The following MAGI2 variants were observed in gnomAD, a reference collection of about 807,000 sequenced individuals.
MAGI2 encodes membrane associated guanylate kinase, WW and PDZ domain containing 2, also known as membrane-associated guanylate kinase, WW and PDZ domain-containing protein 2.
In MAGI2, 35 loss-of-function variants were observed where a neutral mutation model predicts 133.3. That is an observed-to-expected ratio of 0.26 (90% CI 0.20 to 0.35). The LOEUF is 0.35. Among genes scored for constraint, MAGI2 ranks in the 10% least tolerant of loss-of-function variants. MAGI2 has a pLI of 1.00. For missense variants in MAGI2, 1,636 were observed against 1,863.4 expected (o/e 0.88, Z 2.25); for synonymous variants, 729 against 710.6 (o/e 1.03, Z -0.41).
intron 2 of MAGI2, among the ~76,000 whole-genome samples, chr7:78,882,086 C>CAAAAAAAAAAAAAAAAAAAAAAA (rs771918590): frequency 3.2e-4 from 4 of 12,466 alleles, no homozygotes; most frequent in Non-Finnish European, 4.1e-4. Context: ...ACAACAACAA[C>CAAAAAAAAAAAAAAAAAAAAAAA]AAAAAAAAAA....
chr7:78,365,811 A>C (rs1322152936), intron 7 of MAGI2, among the ~76,000 whole-genome samples: 1 of 152,190 alleles, frequency 6.6e-6, no homozygotes, highest in Non-Finnish European at 1.5e-5. Flanking sequence ...TAGCTGTTTA[A>C]ATTCTCTTCT....
chr7:78,623,582 T>G (rs1394459062), intron 3 of MAGI2, among the ~76,000 whole-genome samples: 1 of 152,110 alleles, frequency 6.6e-6, no homozygotes, highest in African/African-American at 2.4e-5. Context: ...ATAAAACTGT[T>G]TCCTTTTCCT....
At chr7:78,174,311 CAGAG>C (rs1441330853) in intron 14 of MAGI2, among the ~76,000 whole-genome samples, 1 of 152,280 alleles carries the variant, frequency 6.6e-6, no homozygotes, top group East Asian at 1.9e-4. Context: ...CCGGAACAAA[CAGAG>C]AGCTCATCTT....
chr7:78,706,466 A>G (rs915868122), intron 2 of MAGI2, among the ~76,000 whole-genome samples: 1 of 152,134 alleles, frequency 6.6e-6, no homozygotes, highest in Admixed American at 6.6e-5. Context: ...CAGCAGTGTG[A>G]AAACAGACTA....
chr7:79,257,742 T>A (rs1833793206), intron 1 of MAGI2, among the ~76,000 whole-genome samples: 1 of 152,188 alleles, frequency 6.6e-6, no homozygotes, highest in African/African-American at 2.4e-5. Flanking sequence ...GATCAGTACA[T>A]AAAATAATGA....
At chr7:79,292,539 A>AACAGAATCAC (rs1554434895) in intron 1 of MAGI2, among the ~76,000 whole-genome samples, 1 of 151,812 alleles carries the variant, frequency 6.6e-6, no homozygotes, top group Non-Finnish European at 1.5e-5. Context: ...GGCTAAGGCA[A>AACAGAATCAC]ACAGAATCAC....
At chr7:79,155,610 A>T (rs2129547303) in intron 1 of MAGI2, among the ~76,000 whole-genome samples, 1 of 152,244 alleles carries the variant, frequency 6.6e-6, no homozygotes, top group African/African-American at 2.4e-5. Context: ...CAAAGGTGAG[A>T]TCTAAGAAAA....
chr7:78,572,123 C>T (rs751910098), intron 3 of MAGI2, among the ~76,000 whole-genome samples: 1 of 152,026 alleles, frequency 6.6e-6, no homozygotes, highest in Non-Finnish European at 1.5e-5. Context: ...AGCAAATCAT[C>T]GATGGGGAAA....
intron 2 of MAGI2, among the ~76,000 whole-genome samples, chr7:78,726,434 A>T (rs10953681): frequency 0.068 from 10,375 of 152,250 alleles, 428 homozygotes; most frequent in African/African-American, 0.092. Context: ...TAACTTCATA[A>T]ATCTTTCCTA....
At chr7:78,635,554 A>G (rs1185134526) in intron 2 of MAGI2, among the ~76,000 whole-genome samples, 1 of 152,256 alleles carries the variant, frequency 6.6e-6, no homozygotes, top group Non-Finnish European at 1.5e-5. Context: ...CATTAAGTCA[A>G]TGTATTCTAA....
chr7:78,492,389 T>A (rs1056471668), intron 5 of MAGI2, among the ~76,000 whole-genome samples: 1 of 152,100 alleles, frequency 6.6e-6, no homozygotes. Flanking sequence ...CCAGTAATTG[T>A]CTTAAACATC....
At chr7:79,024,363 C>G (rs1268910910) in intron 1 of MAGI2, among the ~76,000 whole-genome samples, 1 of 152,024 alleles carries the variant, frequency 6.6e-6, no homozygotes, top group African/African-American at 2.4e-5. Flanking sequence ...AGTCTAAAAT[C>G]AAAAACTATA....
chr7:78,547,610 A>C (rs1000518734), intron 3 of MAGI2, among the ~76,000 whole-genome samples: 1 of 152,244 alleles, frequency 6.6e-6, no homozygotes. Flanking sequence ...GGTGTAAAGG[A>C]GGAACCACCT....
intron 1 of MAGI2, among the ~76,000 whole-genome samples, chr7:79,146,680 C>T (rs1562939222): frequency 2.0e-5 from 3 of 152,214 alleles, no homozygotes; most frequent in Non-Finnish European, 2.9e-5. Flanking sequence ...TCATGTAAGA[C>T]GTGACTTTGC....
chr7:79,194,211 T>C (rs1467490809), intron 1 of MAGI2, among the ~76,000 whole-genome samples: 1 of 152,012 alleles, frequency 6.6e-6, no homozygotes, highest in Non-Finnish European at 1.5e-5. Flanking sequence ...CGAAGATTTA[T>C]AAGAAAAGCT....
intron 1 of MAGI2, among the ~76,000 whole-genome samples, chr7:79,093,893 T>C (rs1304989340): frequency 6.6e-6 from 1 of 151,938 alleles, no homozygotes; most frequent in African/African-American, 2.4e-5. Context: ...TTTTGTATTT[T>C]TAGTAGAGAC....
intron 1 of MAGI2, among the ~76,000 whole-genome samples, chr7:79,396,478 T>A (rs980271733): frequency 6.6e-6 from 1 of 152,190 alleles, no homozygotes; most frequent in Admixed American, 6.5e-5. Flanking sequence ...TACTTTTTTC[T>A]TGAGTTCACT....
intron 1 of MAGI2, among the ~76,000 whole-genome samples, chr7:79,124,088 A>G (rs935183575): frequency 2.6e-5 from 4 of 152,190 alleles, no homozygotes; most frequent in Non-Finnish European, 5.9e-5. Context: ...CATTTGTTAC[A>G]ATGAAATATT....
intron 1 of MAGI2, among the ~76,000 whole-genome samples, chr7:79,280,741 C>T (rs551196228): frequency 5.3e-5 from 8 of 151,536 alleles, no homozygotes; most frequent in East Asian, 3.9e-4. Context: ...CTAAGGAACA[C>T]GGCAAGATCA....
Sources: allele counts gnomAD v4.1 joint callset (sites outside exome capture counted in the v4.1 genomes callset), GRCh38; gene constraint gnomAD v4.1.1; transcripts MANE v1.5; gene names NCBI Gene and HGNC (gene_info 2026-07-23, HGNC 2026-07-21).